The following RARB variants were observed in gnomAD, a reference collection of about 807,000 sequenced individuals.
The protein encoded by RARB is HBV-activated protein.
A neutral mutation model predicts 51.9 loss-of-function variants in RARB; 17 were observed. That is an observed-to-expected ratio of 0.33 (90% confidence interval 0.22 to 0.49). RARB has a LOEUF of 0.49. RARB is among the 20% of genes least tolerant of loss of function. The pLI, the probability that RARB is intolerant of heterozygous loss-of-function variation, is 0.99. For synonymous variants in RARB, 215 were observed against 195.4 expected (o/e 1.10, Z -0.84); for missense variants, 369 against 550.8 (o/e 0.67, Z 3.30).
intron 3 of RARB, among the ~76,000 whole-genome samples, chr3:25,106,031 A>G (rs1699492918): frequency 6.6e-6 from 1 of 152,164 alleles, no homozygotes; most frequent in African/African-American, 2.4e-5. Flanking sequence ...CCCCAGAATG[A>G]CAACAGTGGA....
chr3:25,580,508 C>A lies in RARB; in HGVS notation c.610-38C>A, dbSNP rs374321431. On this transcript the variant is annotated intron_variant, in intron 4 of 7. Transcript: ENST00000330688. ...ATTTCTCCCCTCCTATAGAGCTTCC[C>A]GGAAACTGTATCTGATGACATTTTC... The A allele has an allele frequency of 9.4e-5, 142 of 1,511,126 alleles. No homozygotes were observed. In the Middle Eastern group the frequency reaches 3.6e-3, roughly 38 times the overall value. The allele number at this position is 1,511,126 out of a possible 1,614,324, so 93.6% of individuals were successfully genotyped here.
In RARB at chr3:25,571,550, A is replaced by G. The variant is rs114193635; in HGVS notation, c.609+1632A>G. Among the ~76,000 whole-genome samples, 478 of 152,360 alleles carry G rather than the reference A, an allele frequency of 3.1e-3. 3 individuals are homozygous for G. Among genetic ancestry groups the G allele is most frequent in the African/African-American group, 0.011 (463 of 41,596 alleles). ...CACTGAGTTTGGGGAACACTGTCCCATCCCAGAGCAGGGACACAGGCCAGG... is the reference window on the plus strand; with the variant it reads ...CACTGAGTTTGGGGAACACTGTCCCGTCCCAGAGCAGGGACACAGGCCAGG... On this transcript the variant is annotated intron_variant, in intron 4 of 7. Transcript: ENST00000330688.
At chr3:25,039,963 G>C (rs1487924584) in intron 2 of RARB, among the ~76,000 whole-genome samples, 2 of 152,186 alleles carry the variant, frequency 1.3e-5, no homozygotes, top group African/African-American at 4.8e-5. Context: ...CCTCAGAAGA[G>C]AGTTTTACTT....
chr3:25,352,556 C>T (rs1445196851), intron 5 of RARB, among the ~76,000 whole-genome samples: 1 of 152,160 alleles, frequency 6.6e-6, no homozygotes, highest in African/African-American at 2.4e-5. Context: ...TATTAACCTG[C>T]CCCAATTTGT....
intron 3 of RARB, among the ~76,000 whole-genome samples, chr3:25,100,003 T>C (rs1183052997): frequency 6.6e-6 from 1 of 152,228 alleles, no homozygotes; most frequent in Non-Finnish European, 1.5e-5. Flanking sequence ...GCCCGTTTTC[T>C]ACTAAACAAA....
intron 2 of RARB, among the ~76,000 whole-genome samples, chr3:24,976,052 G>C (rs1696504691): frequency 6.6e-6 from 1 of 152,162 alleles, no homozygotes; most frequent in Admixed American, 6.5e-5. Context: ...AGTCTGCAGA[G>C]AATGATGGTT....
At chr3:25,511,728 G>C (rs137999532) in intron 3 of RARB, among the ~76,000 whole-genome samples, 140 of 152,248 alleles carry the variant, frequency 9.2e-4, no homozygotes, top group Non-Finnish European at 1.5e-3. Context: ...TCAGTTGCTG[G>C]TCAGATCCCA....
At chr3:25,543,586 C>T (rs1157844774) in intron 3 of RARB, among the ~76,000 whole-genome samples, 11 of 151,670 alleles carry the variant, frequency 7.3e-5, no homozygotes, top group Non-Finnish European at 1.6e-4. Flanking sequence ...GTTGCTATAT[C>T]TGCCCATTGG....
intron 3 of RARB, among the ~76,000 whole-genome samples, chr3:25,085,031 TAA>T (rs891233127): frequency 2.0e-5 from 3 of 152,154 alleles, no homozygotes; most frequent in Non-Finnish European, 2.9e-5. Context: ...TGCAGATCTT[TAA>T]GTTGGATAAG....
chr3:25,289,042 C>G (rs533914977), intron 5 of RARB, among the ~76,000 whole-genome samples: 4 of 152,218 alleles, frequency 2.6e-5, no homozygotes, highest in Non-Finnish European at 5.9e-5. Flanking sequence ...TGAGGCAACG[C>G]TTCATAATGT....
At chr3:25,208,188 G>T (rs1405004578) in intron 5 of RARB, among the ~76,000 whole-genome samples, 1 of 152,018 alleles carries the variant, frequency 6.6e-6, no homozygotes, top group African/African-American at 2.4e-5. Flanking sequence ...GCCAACACTG[G>T]GGATTACATC....
chr3:25,306,988 T>C (rs1704168738), intron 5 of RARB, among the ~76,000 whole-genome samples: 1 of 152,312 alleles, frequency 6.6e-6, no homozygotes, highest in East Asian at 1.9e-4. Context: ...AGAGATACAT[T>C]CCTTCACATT....
At chr3:24,925,655 T>TTA (rs775570019) in intron 2 of RARB, among the ~76,000 whole-genome samples, 148 of 104,716 alleles carry the variant, frequency 1.4e-3, no homozygotes, top group South Asian at 3.3e-3. Flanking sequence ...TTTTTTTTTT[T>TTA]AAAAAAAAAA....
At chr3:25,427,350 C>T (rs186784071), upstream of RARB, among the ~76,000 whole-genome samples, 53 of 152,252 alleles carry the variant, frequency 3.5e-4, no homozygotes, top group African/African-American at 1.2e-3. Flanking sequence ...TTAACACTGA[C>T]GTGGGTAGTA....
At chr3:25,427,883 C>A (rs1022446396), upstream of RARB, among the ~76,000 whole-genome samples, 1 of 151,682 alleles carries the variant, frequency 6.6e-6, no homozygotes, top group African/African-American at 2.4e-5. Flanking sequence ...GGGGGCGAGG[C>A]GGTGGGCGGG....
At chr3:24,926,511 AC>A (rs1305426802) in intron 2 of RARB, among the ~76,000 whole-genome samples, 1 of 152,114 alleles carries the variant, frequency 6.6e-6, no homozygotes. Context: ...CTAAAATATC[AC>A]CTGAAACCTA....
intron 3 of RARB, among the ~76,000 whole-genome samples, chr3:25,560,082 C>T (rs560698937): frequency 6.6e-6 from 1 of 152,184 alleles, no homozygotes; most frequent in Admixed American, 6.5e-5. Flanking sequence ...ATATCTCATA[C>T]ATAGACTGCC....
rs576079866 is a variant in RARB at position 25,546,048 on chromosome 3, G to A, written c.449-23710G>A. On this transcript the variant is annotated intron_variant, in intron 3 of 7. Transcript: ENST00000330688. Reference sequence around the variant, plus strand: ...GAGACAGCAGACATCTGGGAGGGGAGAAGGGGAGAGAGGGCACCCAGGCAG... The same window carrying A: ...GAGACAGCAGACATCTGGGAGGGGAAAAGGGGAGAGAGGGCACCCAGGCAG... Among the ~76,000 whole-genome samples, 189 of 152,014 alleles carry A rather than the reference G, an allele frequency of 1.2e-3. 4 individuals are homozygous for A. The South Asian group carries it at 0.038, about 31-fold the overall frequency.
At chr3:25,348,796 G>T (rs1026888189) in intron 5 of RARB, among the ~76,000 whole-genome samples, 1 of 152,120 alleles carries the variant, frequency 6.6e-6, no homozygotes, top group Admixed American at 6.5e-5. Context: ...ACTTGAGTAC[G>T]CATCCAAGCC....
Sources: allele counts gnomAD v4.1 joint callset (sites outside exome capture counted in the v4.1 genomes callset), GRCh38; gene constraint gnomAD v4.1.1; transcripts MANE v1.5; gene names NCBI Gene and HGNC (gene_info 2026-07-23, HGNC 2026-07-21).